The following MLLT10 variants were observed in gnomAD, a reference collection of about 807,000 sequenced individuals.
MLLT10 encodes the protein protein AF-10.
A neutral mutation model predicts 129.1 loss-of-function variants in MLLT10; 30 were observed. The ratio of observed to expected loss-of-function variants is 0.23; its 90% CI spans 0.17 to 0.32. The LOEUF (loss-of-function observed/expected upper bound fraction) is 0.32. MLLT10 is among the 10% of genes least tolerant of loss of function. The pLI, the probability that MLLT10 is intolerant of heterozygous loss-of-function variation, is 1.00. For missense variants in MLLT10, 1,119 were observed against 1,268.3 expected (o/e 0.88, Z 1.79); for synonymous variants, 490 against 446.4 (o/e 1.10, Z -1.23).
At chr10:21,717,959 C>A (rs796771836) in intron 14 of MLLT10, among the ~76,000 whole-genome samples, 3 of 147,966 alleles carry the variant, frequency 2.0e-5, no homozygotes, top group African/African-American at 7.5e-5. Flanking sequence ...CTTCTTCTTT[C>A]TTCTTCTTTC....
intron 8 of MLLT10, among the ~76,000 whole-genome samples, chr10:21,646,498 G>A (rs2048489454): frequency 6.8e-6 from 1 of 147,094 alleles, no homozygotes; most frequent in Admixed American, 6.8e-5. Context: ...TTTAGGTTTT[G>A]GTTATGTTTT....
In MLLT10 at chr10:21,730,936, A is replaced by G. The variant is rs1333044920; in HGVS notation, c.2100A>G (p.Gln700=). The G allele has an allele frequency of 3.1e-6, 5 of 1,614,100 alleles. No homozygotes were observed. Among genetic ancestry groups the G allele is most frequent in the Non-Finnish European group, 4.2e-6 (5 of 1,180,048 alleles). Residue 700 remains glutamine (Q), a synonymous_variant, in exon 17 of 23, where the codon CAA becomes CAG. Transcript: ENST00000307729. ...PVSSLQIRYD[Q]PGNSSLENLP... ...GCAGCTTACAGATTCGCTATGATCA[A>G]CCAGGCAACAGCAGTTTGGAAAATC...
At chr10:21,734,294 G>GTAATT (rs1423834849) in intron 20 of MLLT10, among the ~76,000 whole-genome samples, 165 bp downstream of exon 20, 1 of 152,052 alleles carries the variant, frequency 6.6e-6, no homozygotes, top group Non-Finnish European at 1.5e-5. Flanking sequence ...TGAAACTTAA[G>GTAATT]TAATTTAGAT....
chr10:21,547,852 A>G (rs1467696704), intron 3 of MLLT10, among the ~76,000 whole-genome samples: 1 of 152,068 alleles, frequency 6.6e-6, no homozygotes, highest in Non-Finnish European at 1.5e-5. Flanking sequence ...TGAATCTTCT[A>G]AATAATCGTG....
At chr10:21,566,781 T>C (rs957827947) in intron 3 of MLLT10, among the ~76,000 whole-genome samples, 1 of 152,064 alleles carries the variant, frequency 6.6e-6, no homozygotes, top group African/African-American at 2.4e-5. Flanking sequence ...TTTAGTTCAT[T>C]GATATGGTTT....
intron 8 of MLLT10, among the ~76,000 whole-genome samples, chr10:21,647,078 G>C (rs1046028150): frequency 2.6e-5 from 4 of 152,038 alleles, no homozygotes; most frequent in African/African-American, 7.2e-5. Flanking sequence ...GGATGGTCTC[G>C]ATCTCCCGAC....
At chr10:21,629,632 G>A (rs990948754) in intron 8 of MLLT10, among the ~76,000 whole-genome samples, 1 of 152,212 alleles carries the variant, frequency 6.6e-6, no homozygotes, top group Non-Finnish European at 1.5e-5. Flanking sequence ...GTGGGGAAGG[G>A]TGGAGTCTAC....
At chr10:21,622,342 T>A (rs1393265825) in intron 8 of MLLT10, among the ~76,000 whole-genome samples, 4 of 149,984 alleles carry the variant, frequency 2.7e-5, no homozygotes, top group Admixed American at 6.6e-5. Flanking sequence ...TTTTTTTTTT[T>A]AAATTTGTAG....
chr10:21,669,191 A>G (rs2051139090), intron 9 of MLLT10: 15 of 790,290 alleles, frequency 1.9e-5, no homozygotes, highest in South Asian at 2.3e-5. Flanking sequence ...CTTTGTTTTT[A>G]TGAAATATTT....
intron 3 of MLLT10, among the ~76,000 whole-genome samples, chr10:21,585,959 G>C (rs2041943455): frequency 6.6e-6 from 1 of 152,066 alleles, no homozygotes; most frequent in Non-Finnish European, 1.5e-5. Flanking sequence ...CGGGGTTTCT[G>C]CATGTTGGTC....
intron 3 of MLLT10, among the ~76,000 whole-genome samples, chr10:21,568,508 ATTTG>A (rs150852713): frequency 4.6e-5 from 7 of 151,960 alleles, no homozygotes; most frequent in African/African-American, 1.7e-4. Flanking sequence ...GAAATCACTG[ATTTG>A]TTTCTTTTCT....
At chr10:21,642,882 G>A (rs2048152219) in intron 8 of MLLT10, among the ~76,000 whole-genome samples, 1 of 152,032 alleles carries the variant, frequency 6.6e-6, no homozygotes, top group Non-Finnish European at 1.5e-5. Context: ...CAGCAAGAAA[G>A]ATGTTTATGT....
chr10:21,682,273 A>C lies in MLLT10; in HGVS notation c.1699+16A>C. 1 of 1,606,884 alleles carries C rather than the reference A, an allele frequency of 6.2e-7. No homozygotes were observed. On this transcript the variant is annotated intron_variant, in intron 13 of 22. Coordinates refer to ENST00000307729, the MANE Select transcript of MLLT10 (RefSeq NM_001195626.3). The stretch of plus-strand genomic sequence containing the variant: ...ATACACAACGGTAAGTTTTATTAGA[A>C]TCTTCTCTAGTGGTTCGTTTATCAC...
At position 21,614,897 on chromosome 10, in the gene MLLT10, C is replaced by T. The variant is rs1439855043; in HGVS notation, c.576C>T (p.Gly192=). 6.2e-7 allele frequency: 1 copy of T among 1,610,596 alleles called. No individual in the cohort carries two copies. Among genetic ancestry groups the T allele is most frequent in the African/African-American group, 1.3e-5 (1 of 74,698 alleles). ...GNGADNVQYC[G]YCKYHFSKLK... is the part of the protein sequence containing the mutation. ...GTGCCGATAATGTCCAATACTGTGG[C>T]TACTGTAAATACCATTTTAGTAAGC... Residue 192 remains glycine (G), a synonymous_variant, in exon 7 of 23, where the codon GGC becomes GGT. Transcript: ENST00000307729.
At chr10:21,702,363 G>T (rs781310451) in intron 13 of MLLT10, among the ~76,000 whole-genome samples, 5 of 152,130 alleles carry the variant, frequency 3.3e-5, no homozygotes, top group African/African-American at 1.2e-4. Flanking sequence ...CCTGACATAC[G>T]GTCTGTCCTG....
At chr10:21,538,941 CT>C (rs1564365061) in intron 3 of MLLT10, 29 bp downstream of exon 3, 3 of 1,532,556 alleles carry the variant, frequency 2.0e-6, no homozygotes, top group Non-Finnish European at 2.7e-6. Context: ...AAACATTAAA[CT>C]TTAGTGAGTA....
intron 2 of MLLT10, among the ~76,000 whole-genome samples, chr10:21,535,011 C>G (rs1304278804): frequency 1.3e-5 from 2 of 149,542 alleles, no homozygotes; most frequent in Non-Finnish European, 3.0e-5. Flanking sequence ...TCCGCTCTCA[C>G]TCTCTCAAGT....
At chr10:21,624,761 G>A (rs2046256957) in intron 8 of MLLT10, 10 of 1,165,884 alleles carry the variant, frequency 8.6e-6, no homozygotes, top group South Asian at 2.7e-5. Context: ...TTGGTTGTAA[G>A]CATCTGCCTT....
chr10:21,638,257 T>TGGGGGG (rs1554827242), intron 8 of MLLT10, among the ~76,000 whole-genome samples: 1 of 80,522 alleles, frequency 1.2e-5, no homozygotes, highest in African/African-American at 5.5e-5. Context: ...TTCTTTTTGG[T>TGGGGGG]GGGGGGAGGG....
Sources: gnomAD v4.1 joint callset for allele counts (sites outside exome capture counted in the v4.1 genomes callset) on GRCh38, gnomAD v4.1.1 for gene constraint, MANE v1.5 for transcripts, NCBI Gene and HGNC (gene_info 2026-07-23, HGNC 2026-07-21) for gene names.